RDH10: variants seen among roughly 807,000 people sequenced by gnomAD.
RDH10 encodes retinol dehydrogenase 10 (all-trans).
In RDH10, 12 loss-of-function variants were observed where a neutral mutation model predicts 30.2. That is an observed-to-expected ratio of 0.40 (90% CI 0.25 to 0.64). The LOEUF (loss-of-function observed/expected upper bound fraction) is 0.64. Ranked by LOEUF, RDH10 falls within the 30% of genes least tolerant of loss-of-function variation. The pLI is 0.43. For missense variants in RDH10, 268 were observed against 445.2 expected (o/e 0.60, Z 3.58); for synonymous variants, 189 against 172.2 (o/e 1.10, Z -0.76).
chr8:73,306,579 C>T (rs979433445), intron 2 of RDH10, among the ~76,000 whole-genome samples: 5 of 152,190 alleles, frequency 3.3e-5, no homozygotes, highest in East Asian at 1.9e-4. Flanking sequence ...CAATTACTGC[C>T]GCAACCTTGA....
intron 2 of RDH10, among the ~76,000 whole-genome samples, chr8:73,307,720 T>C (rs1196851946): frequency 6.6e-6 from 1 of 152,216 alleles, no homozygotes; most frequent in Non-Finnish European, 1.5e-5. Flanking sequence ...AGCTGTGGGC[T>C]ACAAGTTCAA....
At position 73,297,178 on chromosome 8, in the gene RDH10, G is replaced by T. The variant is rs756734512; in HGVS notation, c.290-16G>T. On this transcript the variant is annotated splice_polypyrimidine_tract_variant and intron_variant, in intron 1 of 5. Coordinates refer to ENST00000240285, the MANE Select transcript of RDH10 (RefSeq NM_172037.5). The stretch of plus-strand genomic sequence containing the variant: ...TCTTTTGCATGTTTTCTCCTCATCT[G>T]GACTTCTGAGGACAGCTGGGAATGG... 4 of 1,484,678 alleles carry T rather than the reference G, an allele frequency of 2.7e-6. No homozygotes were observed. The Admixed American group carries it at 6.7e-5, about 25-fold the overall frequency. 92.0% of individuals were successfully genotyped at this position (1,484,678 alleles called of 1,614,324 possible). A position where few individuals can be genotyped will look rare whatever the true frequency, so the allele number is the denominator to read the frequency against.
At chr8:73,298,159 T>G (rs183523155) in intron 2 of RDH10, among the ~76,000 whole-genome samples, 1 of 152,354 alleles carries the variant, frequency 6.6e-6, no homozygotes, top group East Asian at 1.9e-4. Context: ...CAAGTTGTCT[T>G]CAGTAAAGGT....
chr8:73,297,483 G>T, intron 2 of RDH10, 54 bp downstream of exon 2: 1 of 1,318,878 alleles, frequency 7.6e-7, no homozygotes, highest in South Asian at 1.2e-5. Flanking sequence ...TGAGAAGGTT[G>T]GGAAGGGGAG....
chr8:73,307,139 T>C (rs1257398745), intron 2 of RDH10, among the ~76,000 whole-genome samples: 2 of 152,230 alleles, frequency 1.3e-5, no homozygotes, highest in African/African-American at 2.4e-5. Context: ...TTTTTACTTA[T>C]AACAGTCGTT....
At chr8:73,299,238 T>TGTA (rs1201439779) in intron 2 of RDH10, among the ~76,000 whole-genome samples, 1 of 152,218 alleles carries the variant, frequency 6.6e-6, no homozygotes. Flanking sequence ...TCAGCTTGCC[T>TGTA]GTAGGTGTGT....
intron 2 of RDH10, chr8:73,311,764 T>A (rs1048466660): frequency 1.3e-5 from 2 of 152,242 alleles, no homozygotes; most frequent in Non-Finnish European, 2.9e-5. Flanking sequence ...GAACATTTTG[T>A]TAAGTCTGAG....
chr8:73,318,355 C>A (rs1814710972), intron 2 of RDH10, among the ~76,000 whole-genome samples: 1 of 152,194 alleles, frequency 6.6e-6, no homozygotes, highest in South Asian at 2.1e-4. Flanking sequence ...TCTGGGTCCC[C>A]CAGCCTGGAA....
rs1212304156 is a variant in RDH10 at position 73,297,330 on chromosome 8, G to C, written c.426G>C (p.Leu142=). The C allele has an allele frequency of 6.2e-7, 1 of 1,614,090 alleles. No homozygotes were observed. The highest frequency in any genetic ancestry group is 1.7e-5 in the Admixed American group (1 of 60,032). The change falls in exon 2 of 6, where the codon CTG becomes CTC. Residue 142 remains leucine, a synonymous_variant. Transcript: ENST00000240285. ...VRKEVGEVSV[L]VNNAGVVSGH... ...AGGAGGTTGGCGAAGTCTCAGTCCT[G>C]GTCAATAATGCTGGTGTGGTCTCTG...
At chr8:73,321,180 A>G (rs1814764854) in intron 4 of RDH10, 103 bp downstream of exon 4, 3 of 1,106,946 alleles carry the variant, frequency 2.7e-6, no homozygotes, top group Non-Finnish European at 3.8e-6. Flanking sequence ...TCATTTGACA[A>G]TCTGTGGCTT....
At chr8:73,306,314 T>C (rs1337511010) in intron 2 of RDH10, among the ~76,000 whole-genome samples, 1 of 152,276 alleles carries the variant, frequency 6.6e-6, no homozygotes, top group Non-Finnish European at 1.5e-5. Context: ...TTTCATGTGG[T>C]CTGAAGGAAT....
Position 73,319,550 on chromosome 8 carries a change from G to A in RDH10, c.624+356G>A, listed in dbSNP as rs116376685. Among the ~76,000 whole-genome samples the A allele has an allele frequency of 6.0e-3, 911 of 152,300 alleles. 12 individuals carry two copies. Among genetic ancestry groups the A allele is most frequent in the African/African-American group, 0.021 (869 of 41,550 alleles). On this transcript the variant is annotated intron_variant, in intron 3 of 5. Coordinates refer to ENST00000240285, the MANE Select transcript of RDH10 (RefSeq NM_172037.5). Reference sequence around the variant, plus strand: ...TAAAACAAAACAAAGAAAGGGAATGGACTTCTGCCTCTTCTGCCATAAAAT... The same window carrying A: ...TAAAACAAAACAAAGAAAGGGAATGAACTTCTGCCTCTTCTGCCATAAAAT...
At position 73,323,440 on chromosome 8, in the gene RDH10, G is replaced by C. The variant is rs969285015; in HGVS notation, c.*404G>C. On this transcript the variant is annotated 3_prime_UTR_variant, in exon 6 of 6. Coordinates refer to ENST00000240285, the MANE Select transcript of RDH10 (RefSeq NM_172037.5). The stretch of plus-strand genomic sequence containing the variant: ...TAAACTCTAGCCAGTTGACATCTTC[G>C]CAATTTCAAGGACTGATAGTGCTGT... The C allele has an allele frequency of 6.1e-6, 1 of 165,248 alleles. No homozygotes were observed. Among genetic ancestry groups the C allele is most frequent in the African/African-American group, 2.4e-5 (1 of 41,658 alleles). 10.2% of individuals were successfully genotyped at this position (165,248 alleles called of 1,614,324 possible). A position where few individuals can be genotyped will look rare whatever the true frequency, so the allele number is the denominator to read the frequency against.
intron 2 of RDH10, among the ~76,000 whole-genome samples, chr8:73,304,884 C>A (rs1232639402): frequency 6.6e-6 from 1 of 152,198 alleles, no homozygotes; most frequent in Non-Finnish European, 1.5e-5. Context: ...TCATGAAATT[C>A]TTGGCTCAAG....
In RDH10 at chr8:73,320,916, C is replaced by T. The variant is rs772912427; in HGVS notation, c.625-16C>T. 1 of 1,613,722 alleles carries T rather than the reference C, an allele frequency of 6.2e-7. No individual in the cohort carries two copies. Among genetic ancestry groups the T allele is most frequent in the South Asian group, 1.1e-5 (1 of 91,030 alleles). ...CATATGCTTAGTATTTCTGCTTTCT[C>T]CCCTCTTTAACTCAGGATTACTGTG... On this transcript the variant is annotated splice_polypyrimidine_tract_variant and intron_variant, in intron 3 of 5. Coordinates refer to ENST00000240285, the MANE Select transcript of RDH10 (RefSeq NM_172037.5).
chr8:73,316,780 G>A (rs1176135921), intron 2 of RDH10, among the ~76,000 whole-genome samples: 1 of 152,162 alleles, frequency 6.6e-6, no homozygotes, highest in Non-Finnish European at 1.5e-5. Flanking sequence ...GGCAAAGAGG[G>A]TGCAGCAATA....
At chr8:73,295,694 A>T in intron 1 of RDH10, 116 bp downstream of exon 1, 5 of 1,093,070 alleles carry the variant, frequency 4.6e-6, no homozygotes, top group Non-Finnish European at 1.2e-6. Context: ...GGAAAGGAAC[A>T]CCCCACCGGT....
intron 1 of RDH10, among the ~76,000 whole-genome samples, chr8:73,296,846 G>T (rs1053451632): frequency 2.6e-5 from 4 of 152,060 alleles, no homozygotes; most frequent in Non-Finnish European, 5.9e-5. Flanking sequence ...GGAGTGTGTA[G>T]TGTGTGTGTG....
At chr8:73,301,743 A>G (rs1814381524) in intron 2 of RDH10, among the ~76,000 whole-genome samples, 1 of 152,156 alleles carries the variant, frequency 6.6e-6, no homozygotes, top group African/African-American at 2.4e-5. Context: ...GTGACAGAAC[A>G]ATACTCCATC....
Sources: gnomAD v4.1 joint callset for allele counts (sites outside exome capture counted in the v4.1 genomes callset) on GRCh38, gnomAD v4.1.1 for gene constraint, MANE v1.5 for transcripts, NCBI Gene and HGNC (gene_info 2026-07-23, HGNC 2026-07-21) for gene names.